ATP2B2: variants seen among roughly 807,000 people sequenced by gnomAD.
The protein encoded by ATP2B2 is plasma membrane calcium-transporting ATPase 2.
In ATP2B2, 15 loss-of-function variants were observed where a neutral mutation model predicts 120.0. The ratio of observed to expected loss-of-function variants is 0.12; its 90% CI spans 0.08 to 0.19. ATP2B2 has a LOEUF of 0.19. Ranked by LOEUF, ATP2B2 falls within the 10% of genes least tolerant of loss-of-function variation. ATP2B2 has a pLI of 1.00. For synonymous variants in ATP2B2, 694 were observed against 700.3 expected (o/e 0.99, Z 0.14); for missense variants, 1,045 against 1,719.8 (o/e 0.61, Z 6.94).
rs187752480 is a variant in ATP2B2, at chr3:10,421,533, C to G, written c.200-10718G>C. Among the ~76,000 whole-genome samples, 395 of 152,302 alleles carry G rather than the reference C, an allele frequency of 2.6e-3. 2 individuals are homozygous for G. The highest frequency in any genetic ancestry group is 2.7e-3 in the Non-Finnish European group (185 of 68,010). On this transcript the variant is annotated intron_variant, in intron 2 of 22. Coordinates refer to ENST00000360273, the MANE Select transcript of ATP2B2 (RefSeq NM_001001331.4). ...AGGCTGGAGAAGGAGAAACTAGAAG[C>G]TGAGTGGCGAGAAAAAGGAGACTGG...
intron 2 of ATP2B2, among the ~76,000 whole-genome samples, chr3:10,445,105 G>T (rs140446228): frequency 8.5e-5 from 13 of 152,180 alleles, no homozygotes; most frequent in African/African-American, 9.7e-5. Context: ...CAAGGGGATG[G>T]GGCCCATGCA....
At chr3:10,378,487 C>G in intron 9 of ATP2B2, 77 bp from the exon 10 acceptor site, 6 of 1,576,780 alleles carry the variant, frequency 3.8e-6, no homozygotes, top group Non-Finnish European at 5.2e-6. Flanking sequence ...AGGGTGGAGA[C>G]GCTGGCACCC....
At chr3:10,551,634 T>C (rs900202242) in intron 2 of ATP2B2, among the ~76,000 whole-genome samples, 140 of 152,156 alleles carry the variant, frequency 9.2e-4, no homozygotes, top group African/African-American at 3.3e-3. Flanking sequence ...AAATCAAGAG[T>C]TCAAACCTTC....
intron 2 of ATP2B2, among the ~76,000 whole-genome samples, chr3:10,613,659 C>T (rs1041095788): frequency 6.6e-6 from 1 of 152,122 alleles, no homozygotes; most frequent in South Asian, 2.1e-4. Context: ...ACAGCTACTT[C>T]TCTCCTCCAC....
chr3:10,584,269 C>T (rs977470619), intron 2 of ATP2B2, among the ~76,000 whole-genome samples: 5 of 152,128 alleles, frequency 3.3e-5, no homozygotes, highest in African/African-American at 9.7e-5. Flanking sequence ...GGAGAACAGG[C>T]AGGGGATGAG....
At chr3:10,692,167 C>A (rs1265274003) in intron 1 of ATP2B2, among the ~76,000 whole-genome samples, 1 of 152,128 alleles carries the variant, frequency 6.6e-6, no homozygotes, top group African/African-American at 2.4e-5. Flanking sequence ...GACATACAAG[C>A]CTGGAGGTGG....
intron 10 of ATP2B2, 78 bp downstream of exon 10, chr3:10,378,174 G>A: frequency 3.9e-6 from 6 of 1,549,560 alleles, no homozygotes; most frequent in Non-Finnish European, 5.2e-6. Flanking sequence ...TGAGGTAACT[G>A]AGGCCGAGCA....
chr3:10,465,475 C>T (rs1020324096), intron 1 of ATP2B2, among the ~76,000 whole-genome samples: 2 of 152,256 alleles, frequency 1.3e-5, no homozygotes, highest in Non-Finnish European at 2.9e-5. Flanking sequence ...CCAGTACCAT[C>T]CTTCTGCATT....
chr3:10,700,677 C>G (rs956132104), intron 1 of ATP2B2, among the ~76,000 whole-genome samples: 7 of 152,238 alleles, frequency 4.6e-5, no homozygotes, highest in African/African-American at 1.7e-4. Flanking sequence ...AGTCCATGCC[C>G]TACTGGCATC....
chr3:10,417,209 G>A (rs1440746615), intron 2 of ATP2B2, among the ~76,000 whole-genome samples: 6 of 151,694 alleles, frequency 4.0e-5, no homozygotes, highest in African/African-American at 1.5e-4. Flanking sequence ...GGGCAGAGGC[G>A]CTTCTAATTT....
intron 2 of ATP2B2, among the ~76,000 whole-genome samples, chr3:10,561,256 C>G (rs2067897400): frequency 6.6e-6 from 1 of 152,192 alleles, no homozygotes; most frequent in South Asian, 2.1e-4. Context: ...ACAGACAGTG[C>G]TCAACTGATT....
chr3:10,457,800 G>A (rs1413022272), intron 1 of ATP2B2, among the ~76,000 whole-genome samples: 1 of 116,358 alleles, frequency 8.6e-6, no homozygotes, highest in Non-Finnish European at 2.0e-5. Flanking sequence ...AACCAGAAAA[G>A]GAAAATCTAA....
intron 2 of ATP2B2, among the ~76,000 whole-genome samples, chr3:10,550,820 C>T (rs115923660): frequency 0.024 from 3,613 of 152,184 alleles, 70 homozygotes; most frequent in Admixed American, 0.041. Flanking sequence ...ATGGTGAAGG[C>T]GAAGGGGAAA....
chr3:10,658,605 A>C (rs2070699087), intron 1 of ATP2B2, among the ~76,000 whole-genome samples: 1 of 152,214 alleles, frequency 6.6e-6, no homozygotes, highest in Admixed American at 6.5e-5. Flanking sequence ...GAAAAGACCA[A>C]ATCTACATCT....
In ATP2B2 at chr3:10,512,459, T is replaced by TGCGCGCGC. The variant is rs1427493421; in HGVS notation, c.-320+21579_-320+21580insGCGCGCGC. ...GAGCATATTCCTGGGTGCTAAAGTG[T>TGCGCGCGC]GTGCGCACACACACACACACACACA... On this transcript the variant is annotated intron_variant, in intron 3 of 21. Transcript: ENST00000646379. Among the ~76,000 whole-genome samples, 6 of 80,610 alleles carry TGCGCGCGC rather than the reference T, an allele frequency of 7.4e-5. No homozygotes were observed. In the East Asian group the frequency reaches 3.7e-3, roughly 50 times the overall value. The allele number at this position is 80,610 out of a possible 152,430, so 52.9% of individuals were successfully genotyped here. A position where few individuals can be genotyped will look rare whatever the true frequency, so the allele number is the denominator to read the frequency against.
intron 2 of ATP2B2, among the ~76,000 whole-genome samples, chr3:10,432,856 T>G (rs1575208855): frequency 6.6e-6 from 1 of 151,932 alleles, no homozygotes; most frequent in South Asian, 2.1e-4. Context: ...GGTGGAGAGG[T>G]TGCTGTTGGC....
chr3:10,354,201 G>C (rs1025393849), intron 14 of ATP2B2, among the ~76,000 whole-genome samples: 13 of 152,152 alleles, frequency 8.5e-5, no homozygotes, highest in African/African-American at 3.1e-4. Context: ...GCTGCTCTCA[G>C]GACTTAATTT....
In ATP2B2 at chr3:10,378,241, G is replaced by A; in HGVS notation, c.1201+11C>T. 2.5e-6 allele frequency: 4 copies of A among 1,604,402 alleles called. No homozygotes were observed. In the South Asian group the frequency reaches 4.4e-5, roughly 18 times the overall value. On this transcript the variant is annotated intron_variant, in intron 10 of 22. Coordinates refer to ENST00000360273, the MANE Select transcript of ATP2B2 (RefSeq NM_001001331.4). ...GAGCCCTGTCCCCTGCCTCCCACCT[G>A]CTGCACTCACCCGCCTTCCCGATCT...
chr3:10,505,872 G>A (rs535677150), upstream of ATP2B2, among the ~76,000 whole-genome samples: 2 of 152,126 alleles, frequency 1.3e-5, no homozygotes, highest in East Asian at 3.9e-4. Flanking sequence ...ATGAGGAACC[G>A]AAGCTGGCAG....
Sources: allele counts gnomAD v4.1 joint callset (sites outside exome capture counted in the v4.1 genomes callset), GRCh38; gene constraint gnomAD v4.1.1; transcripts MANE v1.5; gene names NCBI Gene and HGNC (gene_info 2026-07-23, HGNC 2026-07-21).